Variants in NBPF11 observed in about 807,000 individuals in gnomAD.
The protein encoded by NBPF11 is NBPF family member NBPF11.
NBPF11 carries 72 observed loss-of-function variants against 93.9 expected under a neutral mutation model. The observed-to-expected ratio is 0.77, with a 90% confidence interval of 0.63 to 0.93. NBPF11 has a LOEUF of 0.93. Among genes scored for constraint, NBPF11 ranks in the 40% least tolerant of loss-of-function variants. The pLI, the probability that NBPF11 is intolerant of heterozygous loss-of-function variation, is 0.00. For missense variants in NBPF11, 705 were observed against 802.2 expected (o/e 0.88, Z 1.46); for synonymous variants, 224 against 304.9 (o/e 0.73, Z 2.76).
In NBPF11 at chr1:148,133,979, C is replaced by A. The variant is rs1258581408; in HGVS notation, c.-36+1693G>T. Among the ~76,000 whole-genome samples the A allele has an allele frequency of 5.3e-5, 8 of 151,980 alleles. No homozygotes were observed. The South Asian group carries it at 1.7e-3, about 32-fold the overall frequency. On this transcript the variant is annotated intron_variant, in intron 4 of 23. Transcript: ENST00000682118. The stretch of plus-strand genomic sequence containing the variant: ...TCCCTGCCTCTCAAGGAAATCCCTC[C>A]CGCCTTGTCTCTAGACAGCCAAGTC...
chr1:148,135,866 C>T lies in NBPF11; in HGVS notation c.-177-53G>A, dbSNP rs1671194415. 15 of 827,414 alleles carry T rather than the reference C, an allele frequency of 1.8e-5. No homozygotes were observed. In the South Asian group the frequency reaches 1.9e-4, roughly 10 times the overall value. The allele number at this position is 827,414 out of a possible 1,614,324, so 51.3% of individuals were successfully genotyped here. On this transcript the variant is annotated intron_variant, in intron 3 of 23. Coordinates refer to ENST00000682118, the MANE Select transcript of NBPF11 (RefSeq NM_001385469.3). ...TACCTCCCCAGAGGAAAAGGTTTTA[C>T]CAATGAGACACTTTCTTACCATGAC...
At chr1:148,121,196 T>C (rs1193057683) in intron 9 of NBPF11, among the ~76,000 whole-genome samples, 2 of 151,570 alleles carry the variant, frequency 1.3e-5, no homozygotes, top group Non-Finnish European at 2.9e-5. Flanking sequence ...AAGCGCCAAG[T>C]AACATGACAG....
chr1:148,127,895 A>T (rs1184799203), intron 4 of NBPF11, among the ~76,000 whole-genome samples: 2 of 151,194 alleles, frequency 1.3e-5, no homozygotes, highest in African/African-American at 4.9e-5. Context: ...TGACCTCGTG[A>T]TCTGCCGCCT....
intron 4 of NBPF11, among the ~76,000 whole-genome samples, chr1:148,132,723 C>CTTTTTT (rs796172565): frequency 3.0e-5 from 1 of 33,224 alleles, no homozygotes; most frequent in African/African-American, 1.0e-4. Flanking sequence ...GTTGACTTTC[C>CTTTTTT]TTTTTTTTTT....
At chr1:148,149,005 C>T (rs1647506962) in intron 1 of NBPF11, among the ~76,000 whole-genome samples, 1 of 151,200 alleles carries the variant, frequency 6.6e-6, no homozygotes, top group African/African-American at 2.5e-5. Flanking sequence ...CTGGGGGTGG[C>T]CCTCGGGACT....
At chr1:148,119,429 T>C (rs1225350804) in intron 10 of NBPF11, among the ~76,000 whole-genome samples, 6 of 151,926 alleles carry the variant, frequency 3.9e-5, no homozygotes, top group Non-Finnish European at 7.4e-5. Context: ...AGGTAGGTAT[T>C]ATTGTAGTAC....
intron 5 of NBPF11, among the ~76,000 whole-genome samples, chr1:148,126,011 G>A (rs1319495328): frequency 6.6e-6 from 1 of 151,858 alleles, no homozygotes; most frequent in Admixed American, 6.6e-5. Flanking sequence ...CTTTTTGTTT[G>A]TTTGTTTTTT....
chr1:148,113,233 T>A (rs1665732123), intron 15 of NBPF11, among the ~76,000 whole-genome samples: 1 of 151,848 alleles, frequency 6.6e-6, no homozygotes, highest in African/African-American at 2.4e-5. Context: ...CCATCTCACA[T>A]GCAGAGACAC....
At chr1:148,150,860 T>G (rs1342133975) in intron 1 of NBPF11, among the ~76,000 whole-genome samples, 3 of 151,640 alleles carry the variant, frequency 2.0e-5, no homozygotes, top group Non-Finnish European at 4.4e-5. Flanking sequence ...CCCGAGTAGC[T>G]GGGACTACAG....
intron 1 of NBPF11, among the ~76,000 whole-genome samples, chr1:148,144,169 G>A (rs1553276525): frequency 6.7e-6 from 1 of 150,158 alleles, no homozygotes; most frequent in East Asian, 1.9e-4. Flanking sequence ...TGTGGGCGTA[G>A]TTAATGCTTC....
Position 148,141,600 on chromosome 1 carries a change from G to A in NBPF11, c.-277+1815C>T, listed in dbSNP as rs1281505358. On this transcript the variant is annotated intron_variant, in intron 2 of 23. Coordinates refer to ENST00000682118, the MANE Select transcript of NBPF11 (RefSeq NM_001385469.3). ...AGTCAGAGCAGTTGGAGATTTCAATGCCTATGCCATTTACCTCTAACCCTG... is the reference window on the plus strand; with the variant it reads ...AGTCAGAGCAGTTGGAGATTTCAATACCTATGCCATTTACCTCTAACCCTG... Among the ~76,000 whole-genome samples the A allele has an allele frequency of 1.1e-4, 16 of 151,986 alleles. No homozygotes were observed. The East Asian group carries it at 2.1e-3, about 20-fold the overall frequency.
chr1:148,105,436 AG>A lies in NBPF11; in HGVS notation c.2395del (p.Leu799Ter). On this transcript the variant is annotated frameshift_variant, in exon 22 of 24. Transcript: ENST00000682118. LOFTEE classifies it high-confidence loss of function. ...AACTTCCGTAGGGCTGGCAGGAGTC[AG>A]GCTGTTCAAGACAACTGGAAGGAGT... is the stretch of plus-strand genomic sequence containing the variant. Reference protein sequence around the residue: ...IQLLPVVLNSLTPASPTEVPF... With the variant: ...IQLLPVVLNSXTPASPTEVPF... 2 of 1,091,126 alleles carry A rather than the reference AG, an allele frequency of 1.8e-6. No individual in the cohort carries two copies. The highest frequency in any genetic ancestry group is 2.8e-6 in the Non-Finnish European group (2 of 723,978). 67.6% of individuals were successfully genotyped at this position (1,091,126 alleles called of 1,614,324 possible).
chr1:148,134,079 C>T (rs1371155586), intron 4 of NBPF11, among the ~76,000 whole-genome samples: 2 of 152,022 alleles, frequency 1.3e-5, no homozygotes, highest in Non-Finnish European at 2.9e-5. Flanking sequence ...CAGCATCTCC[C>T]GCCATGACCT....
intron 6 of NBPF11, 30 bp downstream of exon 6, chr1:148,124,869 T>A (rs61812014): frequency 6.2e-7 from 1 of 1,603,576 alleles, no homozygotes. Context: ...CACACCTACC[T>A]GCCTGTCTCC....
chr1:148,145,252 A>G (rs1439842214), intron 1 of NBPF11, among the ~76,000 whole-genome samples: 3 of 137,078 alleles, frequency 2.2e-5, no homozygotes, highest in South Asian at 4.7e-4. Context: ...TGCTCTGTCA[A>G]CCAGGCTGGA....
intron 16 of NBPF11, 62 bp downstream of exon 16, chr1:148,110,316 G>A: frequency 1.3e-6 from 2 of 1,559,490 alleles, no homozygotes; most frequent in East Asian, 2.3e-5. Context: ...AAGGCCCAAA[G>A]ATTATGGGGT....
chr1:148,143,214 G>A (rs1349009624), intron 2 of NBPF11, among the ~76,000 whole-genome samples: 6 of 151,986 alleles, frequency 3.9e-5, no homozygotes, highest in African/African-American at 7.3e-5. Context: ...ACTTTCACCC[G>A]ACCATGGCAC....
intron 4 of NBPF11, among the ~76,000 whole-genome samples, chr1:148,131,072 C>T (rs1158671516): frequency 6.6e-6 from 1 of 151,308 alleles, no homozygotes; most frequent in Non-Finnish European, 1.5e-5. Flanking sequence ...TCATGAGCAT[C>T]CATACGTAGC....
intron 10 of NBPF11, among the ~76,000 whole-genome samples, chr1:148,119,928 A>G (rs1667442996): frequency 6.6e-6 from 1 of 152,156 alleles, no homozygotes; most frequent in Non-Finnish European, 1.5e-5. Flanking sequence ...GGCTGGGATT[A>G]CAGGAGTGAG....
Sources: gnomAD v4.1 joint callset for allele counts (sites outside exome capture counted in the v4.1 genomes callset) on GRCh38, gnomAD v4.1.1 for gene constraint, MANE v1.5 for transcripts, NCBI Gene and HGNC (gene_info 2026-07-23, HGNC 2026-07-21) for gene names.